The following ARL10 variants were observed in gnomAD, a reference collection of about 807,000 sequenced individuals.
ARL10 encodes ADP-ribosylation factor-like protein 10.
In ARL10, 23 loss-of-function variants were observed where a neutral mutation model predicts 26.1. That is an observed-to-expected ratio of 0.88 (90% CI 0.63 to 1.25). The LOEUF (loss-of-function observed/expected upper bound fraction) is 1.25. Among genes scored for constraint, ARL10 ranks in the 50% most tolerant of loss-of-function variants. The pLI, the probability that ARL10 is intolerant of heterozygous loss-of-function variation, is 0.00. For synonymous variants in ARL10, 138 were observed against 149.1 expected, an observed-to-expected ratio of 0.93 and a Z score of 0.54; for missense variants, 300 against 323.6, an observed-to-expected ratio of 0.93 and a Z score of 0.56.
intron 2 of ARL10, among the ~76,000 whole-genome samples, 158 bp downstream of exon 2, chr5:176,366,739 C>T (rs553177085): frequency 2.0e-5 from 3 of 152,304 alleles, no homozygotes; most frequent in East Asian, 3.9e-4. Context: ...AGCCCACGCT[C>T]TGTGCTCTGA....
the ARL10 span, among the ~76,000 whole-genome samples, chr5:176,409,411 T>C: frequency 2.8e-5 from 4 of 140,584 alleles, no homozygotes; most frequent in Non-Finnish European, 4.6e-5. Context: ...TTGCCCTTTT[T>C]TTTTTTTTTT....
At chr5:176,406,489 G>A (rs1757127018), downstream of ARL10, 1 of 1,207,206 alleles carries the variant, frequency 8.3e-7, no homozygotes, top group Non-Finnish European at 1.1e-6. Flanking sequence ...TCTAAGCTAA[G>A]CTGAGCTGCT....
chr5:176,412,157 C>G, the ARL10 span, among the ~76,000 whole-genome samples: 6,381 of 136,922 alleles, frequency 0.047, 471 homozygotes, highest in African/African-American at 0.16. Context: ...GCCTGGGCGA[C>G]AGAGTGAGAC....
At chr5:176,411,511 T>A in the ARL10 span, among the ~76,000 whole-genome samples, 5 of 152,114 alleles carry the variant, frequency 3.3e-5, no homozygotes, top group African/African-American at 1.2e-4. Flanking sequence ...CACACCCCCA[T>A]CCACCCCTTG....
intron 1 of ARL10, among the ~76,000 whole-genome samples, chr5:176,394,369 C>T (rs1010188276): frequency 6.6e-6 from 1 of 152,250 alleles, no homozygotes; most frequent in African/African-American, 2.4e-5. Context: ...CCTGGTAATT[C>T]ATAGGCATGT....
At chr5:176,395,404 C>T (rs950592965) in intron 1 of ARL10, among the ~76,000 whole-genome samples, 3 of 152,160 alleles carry the variant, frequency 2.0e-5, no homozygotes, top group Non-Finnish European at 2.9e-5. Context: ...ACCAATCTGG[C>T]ACAAGGCGAG....
Position 176,373,293 on chromosome 5 carries a change from T to G in ARL10, c.*1398T>G. On this transcript the variant is annotated 3_prime_UTR_variant, in exon 4 of 4. Transcript: ENST00000310389. ...TTTCTGGAGTTCTCATCAGTGCACATTCCATAGTTCTCCAGTGCTTGGCGA... is the reference window on the plus strand; with the variant it reads ...TTTCTGGAGTTCTCATCAGTGCACAGTCCATAGTTCTCCAGTGCTTGGCGA... The G allele has an allele frequency of 2.0e-5, 7 of 353,282 alleles. No homozygotes were observed. Among genetic ancestry groups the G allele is most frequent in the East Asian group, 4.2e-5 (1 of 24,076 alleles). 21.9% of individuals were successfully genotyped at this position (353,282 alleles called of 1,614,324 possible). A position where few individuals can be genotyped will look rare whatever the true frequency, so the allele number is the denominator to read the frequency against.
Position 176,375,775 on chromosome 5 carries a change from A to G in ARL10, c.*3880A>G, listed in dbSNP as rs1002691899. ...GCTCCTAAACAAGGTCCAGTGGGCA[A>G]CTTATTTTTATGTGGTCCCTTTATA... is the stretch of plus-strand genomic sequence containing the variant. On this transcript the variant is annotated 3_prime_UTR_variant, in exon 4 of 4. Coordinates refer to ENST00000310389, the MANE Select transcript of ARL10 (RefSeq NM_173664.6). 6.6e-6 allele frequency: 1 copy of G among 152,198 alleles called. No homozygotes were observed. Among genetic ancestry groups the G allele is most frequent in the African/African-American group, 2.4e-5 (1 of 41,456 alleles). The allele number at this position is 152,198 out of a possible 1,614,324, so 9.4% of individuals were successfully genotyped here. A position where few individuals can be genotyped will look rare whatever the true frequency, so the allele number is the denominator to read the frequency against.
downstream of ARL10, among the ~76,000 whole-genome samples, chr5:176,391,473 G>A (rs1378766322): frequency 3.9e-5 from 6 of 152,198 alleles, no homozygotes; most frequent in South Asian, 6.2e-4. Flanking sequence ...TTAGCCAAAT[G>A]TGGTGGCACG....
exon 2 of ARL10, chr5:176,388,589 G>T: frequency 6.5e-7 from 1 of 1,533,176 alleles, no homozygotes; most frequent in South Asian, 1.1e-5. Context: ...CTGTCTCTCA[G>T]ACCTCGTGTA....
downstream of ARL10, among the ~76,000 whole-genome samples, chr5:176,390,573 G>A (rs1283494945): frequency 2.6e-5 from 4 of 152,148 alleles, no homozygotes; most frequent in African/African-American, 9.7e-5. Flanking sequence ...GGGATTACAG[G>A]TGTGTGCCAC....
the ARL10 span, chr5:176,410,310 A>T: frequency 6.2e-7 from 1 of 1,613,734 alleles, no homozygotes; most frequent in African/African-American, 1.3e-5. Flanking sequence ...CCAGCTGGAA[A>T]GAGAACAAGG....
intron 1 of ARL10, 92 bp downstream of exon 1, chr5:176,365,838 G>A: frequency 1.7e-6 from 2 of 1,204,868 alleles, no homozygotes; most frequent in Non-Finnish European, 2.1e-6. Flanking sequence ...GAACGGCCCT[G>A]CTGGTGCCGG....
In ARL10 at chr5:176,388,245, C is replaced by A. The variant is rs372260739; in HGVS notation, c.37-50C>A. ...CTGCCATGTCAGTACCTTTCTCTTA[C>A]GGAGGGGCACCGCCCTGTTGGGGTC... is the stretch of plus-strand genomic sequence containing the variant. On this transcript the variant is annotated intron_variant, in intron 1 of 1. Coordinates refer to the ARL10 transcript ENST00000503175. 120 of 1,611,090 alleles carry A rather than the reference C, an allele frequency of 7.4e-5. No individual in the cohort carries two copies. Among genetic ancestry groups the A allele is most frequent in the Non-Finnish European group, 9.5e-5 (112 of 1,177,506 alleles).
intron 2 of ARL10, chr5:176,367,835 A>T: frequency 1.0e-5 from 5 of 498,174 alleles, no homozygotes; most frequent in Admixed American, 2.3e-5. Context: ...TTTCTGTTTT[A>T]TTTCTTTCCT....
At chr5:176,400,700 C>T (rs1171120838) in intron 1 of ARL10, among the ~76,000 whole-genome samples, 1 of 152,210 alleles carries the variant, frequency 6.6e-6, no homozygotes, top group Non-Finnish European at 1.5e-5. Context: ...AATAGTCTCC[C>T]CTCCCTCCTC....
At chr5:176,412,006 C>T in the ARL10 span, among the ~76,000 whole-genome samples, 2 of 151,994 alleles carry the variant, frequency 1.3e-5, no homozygotes, top group Non-Finnish European at 2.9e-5. Context: ...GAAACCCCGT[C>T]TCTACTAAAA....
intron 3 of ARL10, among the ~76,000 whole-genome samples, chr5:176,369,718 G>C (rs764914657): frequency 6.6e-6 from 1 of 152,068 alleles, no homozygotes; most frequent in Non-Finnish European, 1.5e-5. Flanking sequence ...CACTTTGAGA[G>C]GCCAAGGAAG....
chr5:176,385,452 T>C, downstream of ARL10: 2 of 639,074 alleles, frequency 3.1e-6, no homozygotes, highest in Non-Finnish European at 5.6e-6. Flanking sequence ...CACCTGGGGG[T>C]CTTTGCCTCC....
Sources: allele counts gnomAD v4.1 joint callset (sites outside exome capture counted in the v4.1 genomes callset), GRCh38; gene constraint gnomAD v4.1.1; transcripts MANE v1.5; gene names NCBI Gene and HGNC (gene_info 2026-07-23, HGNC 2026-07-21).